GPHN: variants seen among roughly 807,000 people sequenced by gnomAD.
GPHN encodes gephyrin.
GPHN carries 17 observed loss-of-function variants against 95.5 expected under a neutral mutation model. The ratio of observed to expected loss-of-function variants is 0.18; its 90% CI spans 0.12 to 0.27. GPHN has a LOEUF of 0.27. GPHN is among the 10% of genes least tolerant of loss of function. The pLI, the probability that GPHN is intolerant of heterozygous loss-of-function variation, is 1.00. For synonymous variants in GPHN, 320 were observed against 322.5 expected, an observed-to-expected ratio of 0.99 and a Z score of 0.08; for missense variants, 660 against 978.1, an observed-to-expected ratio of 0.67 and a Z score of 4.34.
chr14:67,250,630 A>G, the GPHN span, among the ~76,000 whole-genome samples: 1 of 152,254 alleles, frequency 6.6e-6, no homozygotes. Context: ...ATTCATGGAA[A>G]TAAAGTCATG....
At position 66,571,839 on chromosome 14, in the gene GPHN, A is replaced by G. The variant is rs1186286101; in HGVS notation, c.64+63248A>G. Among the ~76,000 whole-genome samples, 5 of 152,068 alleles carry G rather than the reference A, an allele frequency of 3.3e-5. No individual in the cohort carries two copies. In the East Asian group the frequency reaches 9.7e-4, roughly 29 times the overall value. ...AATGAAAACAAAAAACAAACAAAAT[A>G]CCATTCCCTGGACCAATGCCAGGAA... On this transcript the variant is annotated intron_variant, in intron 1 of 22. Transcript: ENST00000478722.
chr14:66,983,932 A>T (rs2070854421), intron 9 of GPHN, among the ~76,000 whole-genome samples: 1 of 152,198 alleles, frequency 6.6e-6, no homozygotes, highest in African/African-American at 2.4e-5. Flanking sequence ...AGGGAATGCT[A>T]CTTTAAACTA....
the GPHN span, among the ~76,000 whole-genome samples, chr14:67,318,710 A>C: frequency 6.6e-6 from 1 of 152,192 alleles, no homozygotes; most frequent in South Asian, 2.1e-4. Flanking sequence ...CAGGGCAGTA[A>C]CTATATGATG....
the GPHN span, among the ~76,000 whole-genome samples, chr14:67,367,001 G>A: frequency 6.6e-6 from 1 of 152,142 alleles, no homozygotes. Flanking sequence ...AACTGGTGGT[G>A]ATAGTGGTGA....
At chr14:67,047,519 C>A (rs1325944614) in intron 10 of GPHN, among the ~76,000 whole-genome samples, 1 of 151,850 alleles carries the variant, frequency 6.6e-6, no homozygotes, top group Non-Finnish European at 1.5e-5. Context: ...GCTCCTGACA[C>A]CATGCATGAC....
At chr14:67,355,444 T>C in the GPHN span, among the ~76,000 whole-genome samples, 3 of 64,748 alleles carry the variant, frequency 4.6e-5, no homozygotes, top group African/African-American at 6.7e-5. Context: ...AGTAAGACCC[T>C]GTCTCAAAAA....
chr14:66,773,352 C>CTT (rs542180875), intron 2 of GPHN, among the ~76,000 whole-genome samples: 4,419 of 121,786 alleles, frequency 0.036, 125 homozygotes, highest in Non-Finnish European at 0.053. Flanking sequence ...TTGGGGAAAT[C>CTT]TTTTTTTTTT....
At position 66,692,060 on chromosome 14, in the gene GPHN, C is replaced by T. The variant is rs148529160; in HGVS notation, c.143+10875C>T. Among the ~76,000 whole-genome samples the T allele has an allele frequency of 5.3e-5, 8 of 152,166 alleles. No homozygotes were observed. In the East Asian group the frequency reaches 1.5e-3, roughly 29 times the overall value. On this transcript the variant is annotated intron_variant, in intron 2 of 22. Transcript: ENST00000478722. ...TGAGCAAATGTTTGTTTTTCTGGGG[C>T]GAAAGTCCTTAGTTTTCCTTTGATT...
the GPHN span, among the ~76,000 whole-genome samples, chr14:67,419,827 A>C: frequency 4.0e-5 from 6 of 151,124 alleles, no homozygotes; most frequent in African/African-American, 9.8e-5. Flanking sequence ...CCAGCCTGGG[A>C]GACAGAGCCA....
chr14:67,193,034 C>T, the GPHN span, among the ~76,000 whole-genome samples: 1 of 144,536 alleles, frequency 6.9e-6, no homozygotes, highest in Non-Finnish European at 1.5e-5. Flanking sequence ...ATATCTCTAT[C>T]AATATCTAGA....
At chr14:67,419,854 A>G in the GPHN span, among the ~76,000 whole-genome samples, 1 of 152,008 alleles carries the variant, frequency 6.6e-6, no homozygotes, top group South Asian at 2.1e-4. Context: ...GTCTCAAAAA[A>G]AAAAAAAGGC....
intron 5 of GPHN, among the ~76,000 whole-genome samples, chr14:66,910,609 A>G (rs2065623501): frequency 6.6e-6 from 1 of 151,992 alleles, no homozygotes. Flanking sequence ...AATGTACTTA[A>G]CATTGTAATT....
the GPHN span, among the ~76,000 whole-genome samples, chr14:67,377,961 A>G: frequency 6.6e-6 from 1 of 151,880 alleles, no homozygotes; most frequent in Non-Finnish European, 1.5e-5. Context: ...AAAAAAATTA[A>G]AAGTAGCCAG....
At chr14:67,599,982 AC>A in the GPHN span, 1 of 1,504,498 alleles carries the variant, frequency 6.6e-7, no homozygotes, top group Non-Finnish European at 9.0e-7. Context: ...CCAAAGCCGA[AC>A]CCCCTCCTTC....
chr14:67,089,313 A>G (rs1261502333), intron 12 of GPHN, among the ~76,000 whole-genome samples: 1 of 151,870 alleles, frequency 6.6e-6, no homozygotes. Context: ...GAAAAGTTAC[A>G]TGAAAATTCT....
the GPHN span, among the ~76,000 whole-genome samples, chr14:67,506,116 T>C: frequency 6.6e-6 from 1 of 152,130 alleles, no homozygotes; most frequent in Non-Finnish European, 1.5e-5. Flanking sequence ...GCCAGCAGAG[T>C]GTACCCAGTG....
At chr14:67,019,126 G>A (rs1293573917) in intron 9 of GPHN, among the ~76,000 whole-genome samples, 3 of 152,144 alleles carry the variant, frequency 2.0e-5, no homozygotes, top group African/African-American at 4.8e-5. Context: ...ATTATTGACA[G>A]GAATAGCCCA....
chr14:67,572,020 C>A, the GPHN span: 1 of 1,474,668 alleles, frequency 6.8e-7, no homozygotes, highest in Non-Finnish European at 9.2e-7. Context: ...CCAGCAGCTC[C>A]ACCCCCAGCC....
chr14:67,702,696 C>T, the GPHN span, among the ~76,000 whole-genome samples: 118 of 152,258 alleles, frequency 7.7e-4, 2 homozygotes, highest in Middle Eastern at 3.4e-3. Flanking sequence ...TATGAGTGCT[C>T]ATTTATCTAT....
Sources: gnomAD v4.1 joint callset for allele counts (sites outside exome capture counted in the v4.1 genomes callset) on GRCh38, gnomAD v4.1.1 for gene constraint, MANE v1.5 for transcripts, NCBI Gene and HGNC (gene_info 2026-07-23, HGNC 2026-07-21) for gene names.